The following VCL variants were observed in gnomAD, a reference collection of about 807,000 sequenced individuals.
VCL encodes epididymis luminal protein 114.
VCL carries 47 observed loss-of-function variants against 125.7 expected under a neutral mutation model. The observed-to-expected ratio is 0.37, with a 90% CI of 0.30 to 0.48. The LOEUF (loss-of-function observed/expected upper bound fraction) is 0.48. Among genes scored for constraint, VCL ranks in the 20% least tolerant of loss-of-function variants. VCL has a pLI of 0.99. For missense variants in VCL, 1,069 were observed against 1,455.5 expected, an observed-to-expected ratio of 0.73 and a Z score of 4.32; for synonymous variants, 458 against 514.6, an observed-to-expected ratio of 0.89 and a Z score of 1.49.
chr10:74,101,015 C>T lies in VCL; in HGVS notation c.1940C>T (p.Ala647Val), dbSNP rs534449109. 107 of 1,613,830 alleles carry T rather than the reference C, an allele frequency of 6.6e-5. No homozygotes were observed. Among genetic ancestry groups the T allele is most frequent in the Non-Finnish European group, 8.4e-5 (99 of 1,179,942 alleles). Residue 647 changes from alanine (A) to valine (V), a missense_variant, in exon 14 of 22, where the codon GCG (alanine) becomes GTG (valine). Ala to Val is a moderately conservative substitution (Grantham distance 64, BLOSUM62 0). This residue lies in a region of VCL where 760 missense variants were observed against 928.9 expected (regional missense o/e 0.82). Coordinates refer to ENST00000211998, the MANE Select transcript of VCL (RefSeq NM_014000.3). ...SGKLGATAEK[A>V]AAVGTANKST... is the part of the protein sequence containing the mutation. Reference sequence around the variant, plus strand: ...AAGCTTGGTGCTACGGCCGAGAAGGCGGCTGCGGTTGGTACTGCTAATAAA... The same window carrying T: ...AAGCTTGGTGCTACGGCCGAGAAGGTGGCTGCGGTTGGTACTGCTAATAAA...
rs576271894 is a variant in VCL, at chr10:74,090,136, C to T, written c.1290C>T (p.Asp430=). Residue 430 remains aspartate, a synonymous_variant, in exon 10 of 22, where the codon GAC becomes GAT. Coordinates refer to ENST00000211998, the MANE Select transcript of VCL (RefSeq NM_014000.3). ...ELCDDPKERD[D]ILRSLGEISA... is the part of the protein sequence containing the mutation. The stretch of plus-strand genomic sequence containing the variant: ...GTGATGATCCTAAAGAAAGAGATGA[C>T]ATTCTACGTTCCCTTGGGGAAATAT... 138 of 1,614,164 alleles carry T rather than the reference C, an allele frequency of 8.5e-5. 3 individuals carry two copies. The East Asian group carries it at 1.7e-3, about 20-fold the overall frequency.
intron 10 of VCL, among the ~76,000 whole-genome samples, chr10:74,092,437 G>T (rs1839904314): frequency 1.3e-5 from 2 of 152,104 alleles, no homozygotes; most frequent in South Asian, 4.1e-4. Context: ...TGGTTGGAAG[G>T]ACCTGGTCAA....
intron 1 of VCL, among the ~76,000 whole-genome samples, chr10:74,042,130 A>G (rs1246021387): frequency 6.6e-6 from 1 of 152,166 alleles, no homozygotes; most frequent in East Asian, 1.9e-4. Flanking sequence ...TGTTGTACTC[A>G]TAATGTATAT....
At chr10:73,999,725 G>C (rs1209806386) in intron 1 of VCL, among the ~76,000 whole-genome samples, 2 of 152,146 alleles carry the variant, frequency 1.3e-5, no homozygotes, top group African/African-American at 4.8e-5. Flanking sequence ...GAGACTGGTA[G>C]CTAGGAAGAC....
At chr10:74,035,346 C>T (rs575794977) in intron 1 of VCL, among the ~76,000 whole-genome samples, 1 of 150,614 alleles carries the variant, frequency 6.6e-6, no homozygotes, top group Non-Finnish European at 1.5e-5. Context: ...ATAATAACAA[C>T]AGCAGAAGAC....
At chr10:74,033,856 G>C (rs933775032) in intron 1 of VCL, among the ~76,000 whole-genome samples, 2 of 152,072 alleles carry the variant, frequency 1.3e-5, no homozygotes, top group African/African-American at 4.8e-5. Flanking sequence ...TGAGCCAGGG[G>C]CTGGGAGCCA....
chr10:74,007,943 C>T (rs1591647228), intron 1 of VCL, among the ~76,000 whole-genome samples: 1 of 152,128 alleles, frequency 6.6e-6, no homozygotes, highest in East Asian at 1.9e-4. Flanking sequence ...GCTGGAATTA[C>T]AGGCACCCAC....
chr10:74,016,660 T>G (rs1840546280), intron 1 of VCL, among the ~76,000 whole-genome samples: 1 of 152,234 alleles, frequency 6.6e-6, no homozygotes, highest in Non-Finnish European at 1.5e-5. Context: ...TCTCACTCTT[T>G]TTTAATTTTG....
intron 10 of VCL, among the ~76,000 whole-genome samples, chr10:74,092,668 T>G (rs1839907915): frequency 6.6e-6 from 1 of 152,182 alleles, no homozygotes; most frequent in Non-Finnish European, 1.5e-5. Flanking sequence ...ACTTTCCAGC[T>G]CCAGATACCA....
rs1591723037 is a variant in VCL, at chr10:74,118,163, C to T, written c.3399C>T (p.Tyr1133=). ...TLRWVRKTPW[Y]Q ...GCTGGGTTAGAAAGACTCCCTGGTA[C>T]CAGTAGGCACCTGGCTGAGCCTGGC... Residue 1133 remains tyrosine (Y), a synonymous_variant, in exon 22 of 22, where the codon TAC becomes TAT. Transcript: ENST00000211998. 3 of 1,614,034 alleles carry T rather than the reference C, an allele frequency of 1.9e-6. No individual in the cohort carries two copies. Among genetic ancestry groups the T allele is most frequent in the Non-Finnish European group, 2.5e-6 (3 of 1,179,994 alleles).
chr10:73,998,166 C>A lies in VCL; in HGVS notation c.-42C>A. The A allele has an allele frequency of 6.2e-7, 1 of 1,603,350 alleles. No homozygotes were observed. The highest frequency in any genetic ancestry group is 2.3e-5 in the East Asian group (1 of 44,298). On this transcript the variant is annotated 5_prime_UTR_variant, in exon 1 of 22. Coordinates refer to ENST00000211998, the MANE Select transcript of VCL (RefSeq NM_014000.3). ...CCGGTTCCCGGCCCCGTGGATCCTA[C>A]TTCTCTGTCGCCCGCGGTTCGCCGC...
chr10:74,081,282 T>C (rs949476943), intron 6 of VCL, among the ~76,000 whole-genome samples: 3 of 152,196 alleles, frequency 2.0e-5, no homozygotes, highest in Non-Finnish European at 4.4e-5. Context: ...GTCTTTTGAA[T>C]AGGGGGCTTT....
chr10:74,006,853 T>C (rs958792762), intron 1 of VCL, among the ~76,000 whole-genome samples: 2 of 152,192 alleles, frequency 1.3e-5, no homozygotes, highest in East Asian at 1.9e-4. Flanking sequence ...AAATATGAGA[T>C]ACTTCTGATC....
chr10:74,064,110 G>A (rs752560851), intron 2 of VCL, among the ~76,000 whole-genome samples: 7 of 152,124 alleles, frequency 4.6e-5, no homozygotes, highest in African/African-American at 1.7e-4. Context: ...ACAACTCCCC[G>A]CTTTCGGGTT....
At chr10:74,017,557 CT>C (rs956763044) in intron 1 of VCL, among the ~76,000 whole-genome samples, 388 of 94,098 alleles carry the variant, frequency 4.1e-3, no homozygotes, top group East Asian at 0.01. Flanking sequence ...TTCTTTCTTT[CT>C]TTTTTTTTTT....
rs1840151255 is a variant in VCL at position 73,998,188 on chromosome 10, C to T, written c.-20C>T. ...CTACTTCTCTGTCGCCCGCGGTTCG[C>T]CGCCCCGCTCGCCGCCGCGATGCCA... On this transcript the variant is annotated 5_prime_UTR_variant, in exon 1 of 22. Coordinates refer to ENST00000211998, the MANE Select transcript of VCL (RefSeq NM_014000.3). The T allele has an allele frequency of 1.2e-6, 2 of 1,609,864 alleles. No individual in the cohort carries two copies. Among genetic ancestry groups the T allele is most frequent in the East Asian group, 2.2e-5 (1 of 44,668 alleles).
intron 2 of VCL, among the ~76,000 whole-genome samples, chr10:74,055,563 G>A (rs1309519018): frequency 6.6e-6 from 1 of 151,616 alleles, no homozygotes; most frequent in African/African-American, 2.4e-5. Context: ...ATCTCACTAT[G>A]TTGTCCAGGT....
intron 1 of VCL, among the ~76,000 whole-genome samples, chr10:74,015,901 T>G (rs1840528532): frequency 6.6e-6 from 1 of 152,170 alleles, no homozygotes; most frequent in Non-Finnish European, 1.5e-5. Flanking sequence ...GTCAGGCTGA[T>G]CTTGAACTCC....
chr10:74,015,978 C>G (rs1840530126), intron 1 of VCL, among the ~76,000 whole-genome samples: 1 of 152,190 alleles, frequency 6.6e-6, no homozygotes, highest in Middle Eastern at 3.4e-3. Flanking sequence ...AGCCACTACG[C>G]TCAGCCTTTT....
Sources: allele counts gnomAD v4.1 joint callset (sites outside exome capture counted in the v4.1 genomes callset), GRCh38; gene constraint gnomAD v4.1.1; regional missense constraint gnomAD v4.1.1; transcripts MANE v1.5; gene names NCBI Gene and HGNC (gene_info 2026-07-23, HGNC 2026-07-21).